The following USP24 variants were observed in gnomAD, a reference collection of about 807,000 sequenced individuals.
USP24 encodes the protein ubiquitin specific peptidase 24.
In USP24, 97 loss-of-function variants were observed where a neutral mutation model predicts 361.6. The observed-to-expected ratio is 0.27, with a 90% confidence interval of 0.23 to 0.32. USP24 has a LOEUF of 0.32. USP24 is among the 10% of genes least tolerant of loss of function. The pLI is 1.00. For synonymous variants in USP24, 1,098 were observed against 1,124.6 expected (o/e 0.98, Z 0.47); for missense variants, 2,353 against 3,165.6 (o/e 0.74, Z 6.16).
At chr1:55,142,828 T>G in intron 22 of USP24, 33 bp from the exon 23 acceptor site, 3 of 1,473,550 alleles carry the variant, frequency 2.0e-6, no homozygotes, top group Non-Finnish European at 2.7e-6. Flanking sequence ...CAATTAGTCC[T>G]TGACATTTAG....
At chr1:55,147,925 C>T (rs1647076063) in intron 17 of USP24, 127 bp from the exon 18 acceptor site, 10 of 952,252 alleles carry the variant, frequency 1.1e-5, no homozygotes, top group Admixed American at 3.2e-5. Context: ...TTTCCTCATT[C>T]GTATTTCCTA....
At chr1:55,161,311 G>C (rs1212098046) in intron 8 of USP24, among the ~76,000 whole-genome samples, 1 of 151,400 alleles carries the variant, frequency 6.6e-6, no homozygotes, top group Non-Finnish European at 1.5e-5. Context: ...GACAGAGGTT[G>C]CAGTGAGCCG....
intron 1 of USP24, among the ~76,000 whole-genome samples, chr1:55,195,713 T>C (rs1034469642): frequency 1.3e-5 from 2 of 152,252 alleles, no homozygotes; most frequent in African/African-American, 4.8e-5. Context: ...AAATATTGTA[T>C]AGTTCCACTT....
chr1:55,105,367 T>C (rs1290971415), intron 41 of USP24, among the ~76,000 whole-genome samples: 1 of 152,168 alleles, frequency 6.6e-6, no homozygotes, highest in Non-Finnish European at 1.5e-5. Context: ...GAGGCAACTT[T>C]AAGTAGAGAA....
chr1:55,145,412 C>A (rs369705404), intron 20 of USP24, among the ~76,000 whole-genome samples: 3 of 152,130 alleles, frequency 2.0e-5, no homozygotes, highest in Non-Finnish European at 2.9e-5. Flanking sequence ...AAGCCAGAGA[C>A]GACAGATCAC....
chr1:55,142,868 A>C, intron 22 of USP24, 73 bp from the exon 23 acceptor site: 1 of 1,432,816 alleles, frequency 7.0e-7, no homozygotes, highest in Admixed American at 2.6e-5. Flanking sequence ...CAAAATATCA[A>C]AATAAAGAAG....
chr1:55,105,236 C>CA (rs1645739076), intron 41 of USP24, among the ~76,000 whole-genome samples: 1 of 152,142 alleles, frequency 6.6e-6, no homozygotes, highest in Non-Finnish European at 1.5e-5. Flanking sequence ...GACCTAGCAC[C>CA]AAATCTTCCA....
At chr1:55,194,921 GCTGCAATA>G (rs1644377665) in intron 1 of USP24, among the ~76,000 whole-genome samples, 1 of 152,114 alleles carries the variant, frequency 6.6e-6, no homozygotes, top group Admixed American at 6.6e-5. Flanking sequence ...TGCTCGGACT[GCTGCAATA>G]CTCATATAAC....
rs1464730562 is a variant in USP24, at chr1:55,097,977, C to T, written c.5561G>A (p.Ser1854Asn). 6.2e-7 allele frequency: 1 copy of T among 1,613,116 alleles called. No individual in the cohort carries two copies. The highest frequency in any genetic ancestry group is 8.5e-7 in the Non-Finnish European group (1 of 1,179,658). Residue 1854 changes from serine (S) to asparagine (N), a missense_variant, in exon 47 of 68, where the codon AGT becomes AAT. Coordinates refer to ENST00000294383, the MANE Select transcript of USP24 (RefSeq NM_015306.3). ...QFVRGEVLEG[S>N]NAYYCEKCKE... ...ACACTTTTCACAGTAGTACGCATTA[C>T]TTCCTTCTAGAACTTCTCCTCTAAC...
At chr1:55,167,281 CAT>C (rs1648978852) in intron 5 of USP24, among the ~76,000 whole-genome samples, 1 of 152,112 alleles carries the variant, frequency 6.6e-6, no homozygotes, top group African/African-American at 2.4e-5. Flanking sequence ...TCTCTGAAAA[CAT>C]AATCTTTAAA....
chr1:55,085,922 G>T lies in USP24; in HGVS notation c.6765+20C>A. 6.2e-7 allele frequency: 1 copy of T among 1,606,514 alleles called. No individual in the cohort carries two copies. Among genetic ancestry groups the T allele is most frequent in the Non-Finnish European group, 8.5e-7 (1 of 1,173,822 alleles). On this transcript the variant is annotated intron_variant, in intron 56 of 67. Coordinates refer to ENST00000294383, the MANE Select transcript of USP24 (RefSeq NM_015306.3). ...GGTAAAAACACAGTGTATAAATAAC[G>T]TTTTAAAAATGAGACCGACCTTATC...
At chr1:55,071,985 G>A (rs1345538888) in intron 66 of USP24, 61 bp from the exon 67 acceptor site, 12 of 1,420,070 alleles carry the variant, frequency 8.5e-6, no homozygotes, top group East Asian at 4.9e-5. Flanking sequence ...AGCAGCAACC[G>A]CCAGGGAAGA....
chr1:55,093,807 T>A (rs138780883), intron 52 of USP24, 130 bp downstream of exon 52: 2 of 1,313,164 alleles, frequency 1.5e-6, no homozygotes, highest in East Asian at 5.0e-5. Flanking sequence ...AAAAGGTTCA[T>A]GAGACAAGTG....
chr1:55,126,302 T>C (rs1221522771), intron 32 of USP24, among the ~76,000 whole-genome samples: 1 of 152,254 alleles, frequency 6.6e-6, no homozygotes, highest in Non-Finnish European at 1.5e-5. Context: ...AGCTTTCTCC[T>C]GGGTCTCGCT....
At chr1:55,203,023 A>G (rs1644616600) in intron 1 of USP24, among the ~76,000 whole-genome samples, 1 of 152,230 alleles carries the variant, frequency 6.6e-6, no homozygotes, top group Non-Finnish European at 1.5e-5. Flanking sequence ...TAATTGTTCT[A>G]TTTATTAGTT....
At chr1:55,148,330 T>C in intron 17 of USP24, 133 bp downstream of exon 17, 1 of 602,074 alleles carries the variant, frequency 1.7e-6, no homozygotes, top group Middle Eastern at 4.0e-4. Context: ...AACTCAAGAT[T>C]ATTAGATGAT....
At chr1:55,097,297 G>T in intron 48 of USP24, 125 bp from the exon 49 acceptor site, 3 of 1,145,794 alleles carry the variant, frequency 2.6e-6, no homozygotes, top group Non-Finnish European at 3.7e-6. Flanking sequence ...TACCTCACCA[G>T]TTCAAGTATA....
Position 55,066,997 on chromosome 1 carries a change from T to C in USP24, c.*2048A>G, listed in dbSNP as rs1283031793. The C allele has an allele frequency of 2.0e-5, 3 of 152,140 alleles. No homozygotes were observed. Among genetic ancestry groups the C allele is most frequent in the Non-Finnish European group, 4.4e-5 (3 of 68,034 alleles). The allele number at this position is 152,140 out of a possible 1,614,324, so 9.4% of individuals were successfully genotyped here. On this transcript the variant is annotated 3_prime_UTR_variant, in exon 68 of 68. Transcript: ENST00000294383. ...GTGGTTACCAGCAAAGTGAAAACGA[T>C]GGTCATTGCAGCAACAATATAAGCA... is the stretch of plus-strand genomic sequence containing the variant.
intron 66 of USP24, among the ~76,000 whole-genome samples, 156 bp downstream of exon 66, chr1:55,072,161 C>T (rs571190650): frequency 1.7e-4 from 26 of 152,172 alleles, no homozygotes; most frequent in African/African-American, 5.3e-4. Context: ...AAGTGTACAC[C>T]AATCTGTTTT....
Sources: gnomAD v4.1 joint callset for allele counts (sites outside exome capture counted in the v4.1 genomes callset) on GRCh38, gnomAD v4.1.1 for gene constraint, MANE v1.5 for transcripts, NCBI Gene and HGNC (gene_info 2026-07-23, HGNC 2026-07-21) for gene names.